Variants in NPHP1 observed in about 807,000 individuals in gnomAD.
The protein encoded by NPHP1 is nephrocystin-1.
Under a neutral mutation model 90.4 loss-of-function variants are expected in NPHP1, and 70 were observed. The observed-to-expected ratio is 0.77, with a 90% CI of 0.64 to 0.95. The LOEUF is 0.95. NPHP1 is among the 40% of genes least tolerant of loss of function. The probability of loss-of-function intolerance (pLI) is 0.00; values close to 1 mark genes in which losing one functional copy is unlikely to be tolerated. For synonymous variants in NPHP1, 256 were observed against 271.7 expected (o/e 0.94, Z 0.57); for missense variants, 764 against 795.9 (o/e 0.96, Z 0.48).
intron 11 of NPHP1, among the ~76,000 whole-genome samples, chr2:110,157,078 T>G (rs1681956407): frequency 6.6e-6 from 1 of 152,108 alleles, no homozygotes; most frequent in Non-Finnish European, 1.5e-5. Context: ...CCCAGCCCAA[T>G]GCTTTTTATT....
At chr2:110,196,698 T>G (rs796636286) in intron 2 of NPHP1, among the ~76,000 whole-genome samples, 37 of 152,300 alleles carry the variant, frequency 2.4e-4, no homozygotes, top group African/African-American at 8.9e-4. Context: ...TAAAGACCCA[T>G]GCACACATAT....
chr2:110,198,099 C>T (rs540420408), intron 2 of NPHP1, among the ~76,000 whole-genome samples: 5 of 151,998 alleles, frequency 3.3e-5, no homozygotes, highest in African/African-American at 1.2e-4. Context: ...AGAAGGACAA[C>T]TAGCCAGCAA....
At chr2:110,145,196 G>A (rs540508890) in intron 14 of NPHP1, among the ~76,000 whole-genome samples, 2 of 152,268 alleles carry the variant, frequency 1.3e-5, no homozygotes, top group Non-Finnish European at 2.9e-5. Flanking sequence ...CATACTAAGT[G>A]TAGAAAGAAG....
intron 2 of NPHP1, among the ~76,000 whole-genome samples, chr2:110,192,588 A>G (rs930636794): frequency 5.3e-5 from 8 of 152,188 alleles, no homozygotes; most frequent in African/African-American, 1.9e-4. Flanking sequence ...ACTCTGCAAG[A>G]TATTATCCAG....
chr2:110,174,226 A>C (rs568514294), intron 4 of NPHP1, among the ~76,000 whole-genome samples: 69 of 152,104 alleles, frequency 4.5e-4, no homozygotes, highest in Non-Finnish European at 7.8e-4. Flanking sequence ...TTTACATTTA[A>C]TGTAACTATC....
intron 4 of NPHP1, among the ~76,000 whole-genome samples, chr2:110,174,629 TAATA>T (rs1407131921): frequency 6.6e-6 from 1 of 152,146 alleles, no homozygotes; most frequent in East Asian, 1.9e-4. Flanking sequence ...ACCTCCTAAT[TAATA>T]CTCACAGTGC....
chr2:110,163,997 A>C (rs1232204407), intron 8 of NPHP1: 4 of 157,092 alleles, frequency 2.5e-5, no homozygotes, highest in African/African-American at 4.8e-5. Flanking sequence ...TTTTAATGAC[A>C]GAATTATGGA....
intron 18 of NPHP1, 59 bp downstream of exon 18, chr2:110,129,127 C>G: frequency 7.8e-7 from 1 of 1,287,582 alleles, no homozygotes; most frequent in Admixed American, 1.8e-5. Flanking sequence ...CTCATTAACA[C>G]AGAGTGTATA....
At chr2:110,184,717 C>T (rs1684159540) in intron 2 of NPHP1, 2 of 720,774 alleles carry the variant, frequency 2.8e-6, no homozygotes, top group Admixed American at 3.6e-5. Flanking sequence ...TTGAGATTGT[C>T]AAGGCCATAA....
chr2:110,164,630 G>T lies in NPHP1; in HGVS notation c.771+58C>A, dbSNP rs367600757. 91 of 1,612,284 alleles carry T rather than the reference G, an allele frequency of 5.6e-5. 1 individual carries two copies. Among genetic ancestry groups the T allele is most frequent in the Non-Finnish European group, 7.6e-5 (89 of 1,178,604 alleles). On this transcript the variant is annotated intron_variant, in intron 8 of 19. Coordinates refer to ENST00000445609, the MANE Select transcript of NPHP1 (RefSeq NM_001128178.3). ...TCTTCCACAGTCTCCATCCTATTTCGCATCAGAACTATTAGGTAGCAAAAC... is the reference window on the plus strand; with the variant it reads ...TCTTCCACAGTCTCCATCCTATTTCTCATCAGAACTATTAGGTAGCAAAAC...
intron 19 of NPHP1, chr2:110,124,448 C>G (rs1363151493): frequency 3.3e-6 from 1 of 305,182 alleles, no homozygotes; most frequent in Non-Finnish European, 6.4e-6. Flanking sequence ...GACAGCATAT[C>G]AGAGGTAACT....
chr2:110,172,883 T>C (rs1249006109), intron 4 of NPHP1, among the ~76,000 whole-genome samples: 1 of 152,166 alleles, frequency 6.6e-6, no homozygotes, highest in Admixed American at 6.5e-5. Flanking sequence ...GCCACTGTTA[T>C]ATTTTCTTTG....
At chr2:110,136,906 C>T (rs1429168284) in intron 16 of NPHP1, among the ~76,000 whole-genome samples, 1 of 152,174 alleles carries the variant, frequency 6.6e-6, no homozygotes, top group Non-Finnish European at 1.5e-5. Context: ...AGGCATCACG[C>T]TACCTGACTT....
chr2:110,174,455 A>T (rs542007931), intron 4 of NPHP1, among the ~76,000 whole-genome samples: 1 of 152,314 alleles, frequency 6.6e-6, no homozygotes, highest in East Asian at 1.9e-4. Context: ...TAAATATCAC[A>T]TTTCACCAAA....
chr2:110,160,244 T>G lies in NPHP1; in HGVS notation c.966A>C (p.Arg322Ser). ...WDATEGTIRS[R>S]PSRISLILTL... ...TCAGAATCAATGAAATACGACTTGG[T>G]CTCGACCTAATCTGAAAGAAAAATT... The change falls in exon 11 of 20, where the codon AGA (arginine) becomes AGC (serine). Residue 322 changes from arginine (R) to serine (S), a missense_variant. Coordinates refer to ENST00000445609, the MANE Select transcript of NPHP1 (RefSeq NM_001128178.3). 6.2e-7 allele frequency: 1 copy of G among 1,609,794 alleles called. No homozygotes were observed. Among genetic ancestry groups the G allele is most frequent in the Non-Finnish European group, 8.5e-7 (1 of 1,176,308 alleles).
intron 8 of NPHP1, 199 bp downstream of exon 8, chr2:110,164,489 A>C (rs79317573): frequency 5.0e-5 from 48 of 963,560 alleles, no homozygotes; most frequent in East Asian, 1.3e-4. Context: ...TTTTTGTACA[A>C]AAAAAAAAAA....
chr2:110,150,674 C>G (rs529207780), intron 11 of NPHP1, among the ~76,000 whole-genome samples: 187 of 151,946 alleles, frequency 1.2e-3, no homozygotes, highest in Non-Finnish European at 2.3e-3. Context: ...CTCAGCCTCC[C>G]AAGTAGCTGA....
Position 110,205,002 on chromosome 2 carries a change from G to C in NPHP1, c.-34C>G, listed in dbSNP as rs1220266723. On this transcript the variant is annotated 5_prime_UTR_variant, in exon 1 of 20. Coordinates refer to ENST00000445609, the MANE Select transcript of NPHP1 (RefSeq NM_001128178.3). ...CTGCGGTGCTCTGATTGCTCCAGTTGCCAGGGAAACCAACCGGCGGCGCCA... is the reference window on the plus strand; with the variant it reads ...CTGCGGTGCTCTGATTGCTCCAGTTCCCAGGGAAACCAACCGGCGGCGCCA... The C allele has an allele frequency of 6.2e-7, 1 of 1,611,782 alleles. No individual in the cohort carries two copies. The highest frequency in any genetic ancestry group is 1.3e-5 in the African/African-American group (1 of 75,030).
At chr2:110,196,912 C>T (rs1168339582) in intron 2 of NPHP1, among the ~76,000 whole-genome samples, 15 of 152,056 alleles carry the variant, frequency 9.9e-5, no homozygotes, top group Non-Finnish European at 2.2e-4. Flanking sequence ...GGACAGAAAA[C>T]CAAACACTGC....
Sources: gnomAD v4.1 joint callset for allele counts (sites outside exome capture counted in the v4.1 genomes callset) on GRCh38, gnomAD v4.1.1 for gene constraint, MANE v1.5 for transcripts, NCBI Gene and HGNC (gene_info 2026-07-23, HGNC 2026-07-21) for gene names.